Variants in ANK2 observed in about 807,000 individuals in gnomAD.
The protein encoded by ANK2 is ankyrin-2.
A neutral mutation model predicts 360.5 loss-of-function variants in ANK2; 83 were observed. The observed-to-expected ratio is 0.23, with a 90% CI of 0.19 to 0.28. ANK2 has a LOEUF of 0.28. ANK2 is among the 10% of genes least tolerant of loss of function. ANK2 has a pLI of 1.00. For missense variants in ANK2, 4,201 were observed against 4,795.7 expected, an observed-to-expected ratio of 0.88 and a Z score of 3.66; for synonymous variants, 1,740 against 1,759.5, an observed-to-expected ratio of 0.99 and a Z score of 0.28.
chr4:112,945,017 T>G (rs2154249322), intron 2 of ANK2, among the ~76,000 whole-genome samples: 1 of 152,348 alleles, frequency 6.6e-6, no homozygotes, highest in Admixed American at 6.5e-5. Flanking sequence ...TGGGCTACGT[T>G]GTGCTGTAGT....
chr4:112,962,629 T>C (rs2035413486), intron 2 of ANK2, among the ~76,000 whole-genome samples: 1 of 152,176 alleles, frequency 6.6e-6, no homozygotes, highest in South Asian at 2.1e-4. Flanking sequence ...AACTGCTCTC[T>C]ACAGTGTCTA....
At chr4:113,360,340 C>T (rs937644761) in intron 38 of ANK2, among the ~76,000 whole-genome samples, 1 of 152,136 alleles carries the variant, frequency 6.6e-6, no homozygotes, top group Non-Finnish European at 1.5e-5. Flanking sequence ...ATCAGGATGG[C>T]CTGATCAGCT....
At chr4:113,361,793 C>G (rs17045974) in intron 39 of ANK2, among the ~76,000 whole-genome samples, 9 of 151,754 alleles carry the variant, frequency 5.9e-5, no homozygotes, top group African/African-American at 2.2e-4. Context: ...CCAAACTATC[C>G]GTGATTGACT....
At chr4:112,946,261 T>C (rs559319623) in intron 2 of ANK2, among the ~76,000 whole-genome samples, 40 of 152,136 alleles carry the variant, frequency 2.6e-4, no homozygotes, top group Non-Finnish European at 3.4e-4. Context: ...AGAGTCTGCA[T>C]CCCCATGCCT....
intron 22 of ANK2, among the ~76,000 whole-genome samples, chr4:113,294,655 T>C (rs2153749758): frequency 6.6e-6 from 1 of 152,334 alleles, no homozygotes. Flanking sequence ...CTATGATTTA[T>C]TAATGAGCTG....
At position 113,356,757 on chromosome 4, in the gene ANK2, C is replaced by A. The variant is rs564510599; in HGVS notation, c.8139C>A (p.Val2713=). ...CAGAAGAAGTACAATTCCAGCCTGTCGTTTCCAAACAATATACTTTCAAGA... is the reference window on the plus strand; with the variant it reads ...CAGAAGAAGTACAATTCCAGCCTGTAGTTTCCAAACAATATACTTTCAAGA... ...SSPEEVQFQP[V]VSKQYTFKMN... Residue 2713 remains valine, a synonymous_variant, in exon 38 of 46, where the codon GTC becomes GTA. Transcript: ENST00000357077. The A allele has an allele frequency of 4.3e-6, 7 of 1,614,018 alleles. No homozygotes were observed. The highest frequency in any genetic ancestry group is 5.9e-6 in the Non-Finnish European group (7 of 1,179,960).
rs371682497 is a variant in ANK2, at chr4:112,972,690, A to G, written c.21+68176A>G. Among the ~76,000 whole-genome samples, 25 of 152,352 alleles carry G rather than the reference A, an allele frequency of 1.6e-4. No individual in the cohort carries two copies. The East Asian group carries it at 3.1e-3, about 19-fold the overall frequency. On this transcript the variant is annotated intron_variant, in intron 2 of 30. Coordinates refer to the ANK2 transcript ENST00000503271. ...CAACAAGACTTTTTCCAGAAAAAGA[A>G]GTCATTATTTGAAAAAGACACATGC...
At chr4:113,090,089 T>A (rs1431189552) in intron 1 of ANK2, among the ~76,000 whole-genome samples, 1 of 152,208 alleles carries the variant, frequency 6.6e-6, no homozygotes, top group Non-Finnish European at 1.5e-5. Flanking sequence ...TACAAGGAAG[T>A]CTGTGAAATC....
At chr4:113,297,398 T>C (rs1160973293) in intron 22 of ANK2, among the ~76,000 whole-genome samples, 2 of 152,208 alleles carry the variant, frequency 1.3e-5, no homozygotes, top group African/African-American at 4.8e-5. Flanking sequence ...AATTGGGTAT[T>C]ACTTTCAGTG....
chr4:113,048,846 C>T (rs1304218037), upstream of ANK2, among the ~76,000 whole-genome samples: 2 of 151,254 alleles, frequency 1.3e-5, no homozygotes, highest in Non-Finnish European at 2.9e-5. Flanking sequence ...ATTTAACAAG[C>T]CTTGATTAAC....
In ANK2 at chr4:113,157,558, T is replaced by C. The variant is rs185097268; in HGVS notation, c.85-16858T>C. ...TTAGCAACATTAAAGAAAAGAAATCTTGGTATTCCACAGGTGGCAATGCCA... is the reference window on the plus strand; with the variant it reads ...TTAGCAACATTAAAGAAAAGAAATCCTGGTATTCCACAGGTGGCAATGCCA... On this transcript the variant is annotated intron_variant, in intron 1 of 45. Transcript: ENST00000357077. 1.6e-4 allele frequency among the ~76,000 whole-genome samples: 25 copies of C among 152,338 alleles called. 1 individual carries two copies. In the South Asian group the frequency reaches 5.0e-3, roughly 30 times the overall value.
At chr4:113,268,674 A>C (rs556501204) in intron 14 of ANK2, among the ~76,000 whole-genome samples, 5 of 152,252 alleles carry the variant, frequency 3.3e-5, no homozygotes, top group African/African-American at 1.2e-4. Context: ...GGATTTTCGC[A>C]TTGATGTTCA....
At chr4:113,162,683 T>C (rs908199953) in intron 1 of ANK2, among the ~76,000 whole-genome samples, 1 of 151,434 alleles carries the variant, frequency 6.6e-6, no homozygotes, top group African/African-American at 2.4e-5. Flanking sequence ...TGGATCTCCC[T>C]GGGTCTACTT....
At chr4:113,274,926 A>G (rs1277546824) in intron 15 of ANK2, among the ~76,000 whole-genome samples, 1 of 152,150 alleles carries the variant, frequency 6.6e-6, no homozygotes, top group East Asian at 1.9e-4. Flanking sequence ...CTTCTCTTTT[A>G]TTATAAAATC....
At chr4:113,116,620 T>C (rs2094809986) in intron 1 of ANK2, among the ~76,000 whole-genome samples, 1 of 152,196 alleles carries the variant, frequency 6.6e-6, no homozygotes, top group Admixed American at 6.5e-5. Context: ...AGGAAAGGGC[T>C]GTGAGATGAA....
intron 1 of ANK2, among the ~76,000 whole-genome samples, chr4:113,159,396 A>G (rs17444886): frequency 0.097 from 14,799 of 152,170 alleles, 815 homozygotes; most frequent in South Asian, 0.14. Flanking sequence ...TGACATACCA[A>G]TGATCTCTTT....
At chr4:112,887,045 A>G (rs2078619786) in intron 1 of ANK2, among the ~76,000 whole-genome samples, 1 of 152,170 alleles carries the variant, frequency 6.6e-6, no homozygotes, top group South Asian at 2.1e-4. Flanking sequence ...GCTTCCCTGA[A>G]TTCCTCCAAT....
chr4:113,265,058 G>T, intron 14 of ANK2, 63 bp downstream of exon 14: 2 of 1,454,412 alleles, frequency 1.4e-6, no homozygotes, highest in Non-Finnish European at 1.9e-6. Context: ...CTTAAGAGAG[G>T]GTGTTGCCCT....
chr4:112,913,090 C>T (rs547585403), intron 2 of ANK2, among the ~76,000 whole-genome samples: 1 of 152,176 alleles, frequency 6.6e-6, no homozygotes, highest in Admixed American at 6.5e-5. Flanking sequence ...CGTAAAAAAA[C>T]TCATATTAGC....
Sources: gnomAD v4.1 joint callset for allele counts (sites outside exome capture counted in the v4.1 genomes callset) on GRCh38, gnomAD v4.1.1 for gene constraint, MANE v1.5 for transcripts, NCBI Gene and HGNC (gene_info 2026-07-23, HGNC 2026-07-21) for gene names.